The following HCRTR2 variants were observed in gnomAD, a reference collection of about 807,000 sequenced individuals.
HCRTR2 encodes the protein hypocretin receptor 2, also known as orexin receptor type 2.
In HCRTR2, 22 loss-of-function variants were observed where a neutral mutation model predicts 49.0. The observed-to-expected ratio is 0.45, with a 90% CI of 0.32 to 0.64. The LOEUF is 0.64. Among genes scored for constraint, HCRTR2 ranks in the 30% least tolerant of loss-of-function variants. The pLI, the probability that HCRTR2 is intolerant of heterozygous loss-of-function variation, is 0.04. For synonymous variants in HCRTR2, 236 were observed against 205.3 expected, an observed-to-expected ratio of 1.15 and a Z score of -1.28; for missense variants, 491 against 559.4, an observed-to-expected ratio of 0.88 and a Z score of 1.23.
intron 1 of HCRTR2, among the ~76,000 whole-genome samples, chr6:55,115,500 GTGTGT>G (rs1764104098): frequency 6.6e-6 from 1 of 151,194 alleles, no homozygotes; most frequent in African/African-American, 2.4e-5. Flanking sequence ...GTGTGTGTGT[GTGTGT>G]GTGTGTGGTA....
chr6:55,126,559 C>T (rs1267120988), intron 1 of HCRTR2, among the ~76,000 whole-genome samples: 1 of 152,146 alleles, frequency 6.6e-6, no homozygotes, highest in Non-Finnish European at 1.5e-5. Flanking sequence ...GAGGTGTCTC[C>T]CAGTCAAGGG....
chr6:55,130,838 T>C (rs1047206695), intron 1 of HCRTR2, among the ~76,000 whole-genome samples: 9 of 151,916 alleles, frequency 5.9e-5, no homozygotes, highest in Admixed American at 5.3e-4. Flanking sequence ...ACTACTGTTT[T>C]AATATCAGGT....
At chr6:55,106,870 A>G (rs1763982230) in intron 1 of HCRTR2, among the ~76,000 whole-genome samples, 1 of 152,090 alleles carries the variant, frequency 6.6e-6, no homozygotes, top group Non-Finnish European at 1.5e-5. Flanking sequence ...CATATCACTC[A>G]TGTAGGCTGT....
chr6:55,242,163 C>G (rs1236727790), intron 1 of HCRTR2, among the ~76,000 whole-genome samples: 2 of 152,078 alleles, frequency 1.3e-5, no homozygotes, highest in African/African-American at 4.8e-5. Context: ...AGCCACCACT[C>G]CCAGTCGGCA....
chr6:55,233,392 A>T (rs2127300881), intron 1 of HCRTR2, among the ~76,000 whole-genome samples: 1 of 152,198 alleles, frequency 6.6e-6, no homozygotes, highest in African/African-American at 2.4e-5. Flanking sequence ...CGCATGGCCA[A>T]AGCTGGTTTT....
chr6:55,282,749 A>G (rs1405638271), downstream of HCRTR2: 7 of 351,924 alleles, frequency 2.0e-5, no homozygotes. Context: ...AATTCTTTTT[A>G]TAATCCCTTG....
intron 1 of HCRTR2, among the ~76,000 whole-genome samples, chr6:55,205,285 T>A (rs1204484423): frequency 6.6e-6 from 1 of 152,048 alleles, no homozygotes; most frequent in African/African-American, 2.4e-5. Context: ...AGAGAAAATA[T>A]CTAATAATTG....
intron 1 of HCRTR2, among the ~76,000 whole-genome samples, chr6:55,196,738 T>C (rs1456779507): frequency 2.0e-5 from 3 of 152,072 alleles, no homozygotes; most frequent in Non-Finnish European, 4.4e-5. Flanking sequence ...CAAAAGAGAA[T>C]AAAGAAAAAG....
chr6:55,222,551 G>C (rs1255741617), intron 1 of HCRTR2, among the ~76,000 whole-genome samples: 2 of 152,068 alleles, frequency 1.3e-5, no homozygotes, highest in African/African-American at 4.8e-5. Flanking sequence ...TATAATGACA[G>C]ATGATTCAAT....
At chr6:55,139,018 G>C (rs932087604) in intron 1 of HCRTR2, among the ~76,000 whole-genome samples, 1 of 152,132 alleles carries the variant, frequency 6.6e-6, no homozygotes, top group Admixed American at 6.5e-5. Context: ...AACAAAATTG[G>C]AAGTGTAAAT....
chr6:55,209,100 T>C (rs1008434690), intron 1 of HCRTR2, among the ~76,000 whole-genome samples: 1 of 152,182 alleles, frequency 6.6e-6, no homozygotes, highest in African/African-American at 2.4e-5. Context: ...AAACAATGTT[T>C]TCTAAATCCA....
chr6:55,223,176 C>T (rs1384207740), intron 1 of HCRTR2, among the ~76,000 whole-genome samples: 2 of 152,104 alleles, frequency 1.3e-5, no homozygotes, highest in East Asian at 1.9e-4. Flanking sequence ...CAGTTAATCT[C>T]CTAAAATTAT....
In HCRTR2 at chr6:55,248,680, A is replaced by T. The variant is rs766359704; in HGVS notation, c.265A>T (p.Thr89Ser). Residue 89 changes from threonine (T) to serine (S), a missense_variant, in exon 2 of 7, where the codon ACC becomes TCC. Transcript: ENST00000370862. ...GAAGAACCACCACATGAGGACGGTAACCAACTACTTCATAGTCAATCTTTC... is the reference window on the plus strand; with the variant it reads ...GAAGAACCACCACATGAGGACGGTATCCAACTACTTCATAGTCAATCTTTC... The part of the protein sequence containing the change: ...VWKNHHMRTV[T>S]NYFIVNLSLA... The T allele has an allele frequency of 2.5e-6, 4 of 1,613,392 alleles. No homozygotes were observed. The African/African-American group carries it at 5.3e-5, about 22-fold the overall frequency.
chr6:55,245,853 A>C (rs530826595), intron 1 of HCRTR2, among the ~76,000 whole-genome samples: 3 of 152,072 alleles, frequency 2.0e-5, no homozygotes, highest in South Asian at 4.1e-4. Flanking sequence ...TGTTTCTCCA[A>C]AAATATATGA....
intron 1 of HCRTR2, among the ~76,000 whole-genome samples, chr6:55,187,458 A>C (rs1291847870): frequency 4.7e-5 from 7 of 149,162 alleles, no homozygotes; most frequent in African/African-American, 1.7e-4. Flanking sequence ...AAGAAAACGA[A>C]AAGAAAAGAA....
At chr6:55,271,566 A>G (rs910512823) in intron 4 of HCRTR2, among the ~76,000 whole-genome samples, 2 of 152,162 alleles carry the variant, frequency 1.3e-5, no homozygotes, top group African/African-American at 4.8e-5. Context: ...TTTGTGCTTC[A>G]AACTGCACCA....
chr6:55,247,152 GT>G lies in HCRTR2; in HGVS notation c.224-1486del, dbSNP rs1205169260. Among the ~76,000 whole-genome samples, 9 of 151,782 alleles carry G rather than the reference GT, an allele frequency of 5.9e-5. No individual in the cohort carries two copies. The East Asian group carries it at 1.6e-3, about 26-fold the overall frequency. The stretch of plus-strand genomic sequence containing the variant: ...GGTGGGTTTGTGTGTGTGTGAATAT[GT>G]GTGTGTGTGTGTTTCAAGTGTTTAT... On this transcript the variant is annotated intron_variant, in intron 1 of 6. Coordinates refer to ENST00000370862, the MANE Select transcript of HCRTR2 (RefSeq NM_001384272.1).
intron 1 of HCRTR2, among the ~76,000 whole-genome samples, chr6:55,198,723 GA>G (rs1765460867): frequency 6.6e-6 from 1 of 152,174 alleles, no homozygotes; most frequent in East Asian, 1.9e-4. Flanking sequence ...GCTTAACAAG[GA>G]AAAAAATAAA....
chr6:55,204,480 C>T (rs1765565876), intron 1 of HCRTR2, among the ~76,000 whole-genome samples: 1 of 151,996 alleles, frequency 6.6e-6, no homozygotes, highest in Non-Finnish European at 1.5e-5. Context: ...CAAACCTGAG[C>T]TAATACTGGG....
Sources: allele counts gnomAD v4.1 joint callset (sites outside exome capture counted in the v4.1 genomes callset), GRCh38; gene constraint gnomAD v4.1.1; transcripts MANE v1.5; gene names NCBI Gene and HGNC (gene_info 2026-07-23, HGNC 2026-07-21).